The following ADAM23 variants were observed in gnomAD, a reference collection of about 807,000 sequenced individuals.
ADAM23 encodes the protein disintegrin and metalloproteinase domain-containing protein 23.
ADAM23 carries 33 observed loss-of-function variants against 120.1 expected under a neutral mutation model. The observed-to-expected ratio is 0.27, with a 90% confidence interval of 0.21 to 0.37. The LOEUF is 0.37. ADAM23 is among the 10% of genes least tolerant of loss of function. The probability of loss-of-function intolerance (pLI) is 1.00; values close to 1 mark genes in which losing one functional copy is unlikely to be tolerated. For missense variants in ADAM23, 862 were observed against 1,058.2 expected, an observed-to-expected ratio of 0.81 and a Z score of 2.57; for synonymous variants, 367 against 375.2, an observed-to-expected ratio of 0.98 and a Z score of 0.25.
intron 2 of ADAM23, among the ~76,000 whole-genome samples, chr2:206,448,361 G>C (rs1052982860): frequency 6.6e-5 from 10 of 152,204 alleles, no homozygotes; most frequent in Non-Finnish European, 1.5e-4. Context: ...TAGGAAGTCA[G>C]ATTCCTGCCG....
chr2:206,489,899 G>T (rs771493956), intron 3 of ADAM23, among the ~76,000 whole-genome samples: 9 of 152,206 alleles, frequency 5.9e-5, no homozygotes, highest in Non-Finnish European at 1.2e-4. Context: ...GGAAAACACG[G>T]AAGGTCCCAA....
chr2:206,518,026 G>C (rs1014456854), intron 3 of ADAM23, among the ~76,000 whole-genome samples: 1 of 152,206 alleles, frequency 6.6e-6, no homozygotes, highest in Non-Finnish European at 1.5e-5. Context: ...AAGGCACTTT[G>C]TGAATGTGAG....
At chr2:206,508,042 T>C (rs1231186551) in intron 3 of ADAM23, among the ~76,000 whole-genome samples, 1 of 152,152 alleles carries the variant, frequency 6.6e-6, no homozygotes, top group Non-Finnish European at 1.5e-5. Flanking sequence ...GTTCACTTTT[T>C]TTTTTGAGAC....
At chr2:206,601,653 A>G (rs1698642062) in intron 24 of ADAM23, among the ~76,000 whole-genome samples, 1 of 152,042 alleles carries the variant, frequency 6.6e-6, no homozygotes, top group Non-Finnish European at 1.5e-5. Context: ...ATGTGCCCAT[A>G]GTCCCAGCTA....
At chr2:206,591,703 ATT>A (rs1698429692) in intron 21 of ADAM23, among the ~76,000 whole-genome samples, 1 of 152,206 alleles carries the variant, frequency 6.6e-6, no homozygotes, top group East Asian at 1.9e-4. Flanking sequence ...GGATCTTATC[ATT>A]GTTACCAAAT....
chr2:206,495,303 C>T (rs578145846), intron 3 of ADAM23, among the ~76,000 whole-genome samples: 264 of 151,364 alleles, frequency 1.7e-3, no homozygotes, highest in Non-Finnish European at 2.6e-3. Flanking sequence ...GCTGATCTCT[C>T]GGCAGAAACT....
intron 24 of ADAM23, among the ~76,000 whole-genome samples, chr2:206,605,366 C>T (rs1698709157): frequency 6.6e-6 from 1 of 152,080 alleles, no homozygotes; most frequent in Non-Finnish European, 1.5e-5. Flanking sequence ...ATGATATATT[C>T]TGAATTTTGA....
chr2:206,553,270 C>CA (rs969189433), intron 9 of ADAM23, among the ~76,000 whole-genome samples: 1 of 151,322 alleles, frequency 6.6e-6, no homozygotes, highest in African/African-American at 2.4e-5. Flanking sequence ...TATACATATA[C>CA]AAAAAAAATT....
At chr2:206,598,347 T>C (rs1468811345) in intron 24 of ADAM23, among the ~76,000 whole-genome samples, 2 of 152,180 alleles carry the variant, frequency 1.3e-5, no homozygotes, top group African/African-American at 4.8e-5. Flanking sequence ...TGTCTGGTTC[T>C]GTAATATCTA....
At chr2:206,487,237 T>G (rs1236988370) in intron 3 of ADAM23, among the ~76,000 whole-genome samples, 3 of 152,170 alleles carry the variant, frequency 2.0e-5, no homozygotes, top group African/African-American at 7.2e-5. Context: ...GAGGCATTGA[T>G]CTCATGGAAC....
intron 2 of ADAM23, among the ~76,000 whole-genome samples, chr2:206,476,637 G>A (rs745827340): frequency 2.1e-4 from 32 of 152,254 alleles, no homozygotes; most frequent in African/African-American, 5.3e-4. Context: ...CACCCCATCC[G>A]TGGAAAAATT....
chr2:206,486,687 T>G (rs1275761223), intron 3 of ADAM23, among the ~76,000 whole-genome samples: 2 of 152,132 alleles, frequency 1.3e-5, no homozygotes, highest in Non-Finnish European at 2.9e-5. Flanking sequence ...CTCCTCTTTC[T>G]CCTTTTCCTC....
chr2:206,449,293 G>A (rs1399745265), intron 2 of ADAM23, among the ~76,000 whole-genome samples: 3 of 152,168 alleles, frequency 2.0e-5, no homozygotes, highest in African/African-American at 7.2e-5. Flanking sequence ...GGGCGTAAAT[G>A]GAATTGTATG....
intron 2 of ADAM23, among the ~76,000 whole-genome samples, chr2:206,453,953 A>G (rs867110753): frequency 4.6e-5 from 7 of 152,258 alleles, no homozygotes; most frequent in African/African-American, 7.2e-5. Context: ...ACCAAGATCT[A>G]CCTTAAGATC....
chr2:206,609,467 G>T (rs937709905), intron 24 of ADAM23, among the ~76,000 whole-genome samples: 1 of 152,146 alleles, frequency 6.6e-6, no homozygotes, highest in African/African-American at 2.4e-5. Context: ...CCACTTTTAG[G>T]TGCTTTTTGG....
At chr2:206,481,481 TA>T (rs1695895412) in intron 3 of ADAM23, among the ~76,000 whole-genome samples, 173 bp downstream of exon 3, 2 of 152,178 alleles carry the variant, frequency 1.3e-5, no homozygotes, top group African/African-American at 4.8e-5. Context: ...TTTTCCGAAA[TA>T]AAAGATATTT....
intron 3 of ADAM23, among the ~76,000 whole-genome samples, chr2:206,486,159 G>A (rs963750315): frequency 2.6e-5 from 4 of 152,162 alleles, no homozygotes; most frequent in Non-Finnish European, 5.9e-5. Flanking sequence ...AAGAGACATG[G>A]TCAGATTTCT....
chr2:206,464,572 C>CAAAA (rs201816820), intron 2 of ADAM23, among the ~76,000 whole-genome samples: 1 of 140,360 alleles, frequency 7.1e-6, no homozygotes, highest in Non-Finnish European at 1.6e-5. Flanking sequence ...GAGACTGTCT[C>CAAAA]AAAAAAAAAA....
At chr2:206,505,567 G>A (rs1193512338) in intron 3 of ADAM23, among the ~76,000 whole-genome samples, 1 of 152,172 alleles carries the variant, frequency 6.6e-6, no homozygotes, top group East Asian at 1.9e-4. Context: ...ACCAGAGTAG[G>A]AGGAAGAGAG....
Sources: gnomAD v4.1 joint callset for allele counts (sites outside exome capture counted in the v4.1 genomes callset) on GRCh38, gnomAD v4.1.1 for gene constraint, MANE v1.5 for transcripts, NCBI Gene and HGNC (gene_info 2026-07-23, HGNC 2026-07-21) for gene names.